ADK: variants seen among roughly 807,000 people sequenced by gnomAD.
ADK encodes N6,N6-dimethyladenosine kinase.
In ADK, 24 loss-of-function variants were observed where a neutral mutation model predicts 44.7. The ratio of observed to expected loss-of-function variants is 0.54; its 90% confidence interval spans 0.39 to 0.76. The LOEUF is 0.76. Among genes scored for constraint, ADK ranks in the 30% least tolerant of loss-of-function variants. The probability of loss-of-function intolerance (pLI) is 0.00; values close to 1 mark genes in which losing one functional copy is unlikely to be tolerated. For synonymous variants in ADK, 128 were observed against 142.6 expected (o/e 0.90, Z 0.73); for missense variants, 321 against 425.1 (o/e 0.76, Z 2.15).
chr10:74,696,665 C>G (rs1856219957), intron 10 of ADK, among the ~76,000 whole-genome samples: 1 of 152,140 alleles, frequency 6.6e-6, no homozygotes, highest in African/African-American at 2.4e-5. Context: ...TCACCATGCC[C>G]AGCCCTCATT....
intron 6 of ADK, among the ~76,000 whole-genome samples, chr10:74,478,222 T>C (rs182297207): frequency 6.6e-4 from 100 of 152,252 alleles, no homozygotes; most frequent in African/African-American, 2.4e-3. Context: ...CTTAGAACTG[T>C]ATTTATTTAT....
intron 1 of ADK, among the ~76,000 whole-genome samples, chr10:74,156,368 C>T (rs1237005984): frequency 6.6e-6 from 1 of 152,128 alleles, no homozygotes; most frequent in Non-Finnish European, 1.5e-5. Context: ...CCTGTAATCC[C>T]AGCACTTTGG....
chr10:74,446,062 A>C (rs1297095411), intron 6 of ADK, among the ~76,000 whole-genome samples: 1 of 152,124 alleles, frequency 6.6e-6, no homozygotes, highest in Non-Finnish European at 1.5e-5. Flanking sequence ...AAAACCCAAT[A>C]AATAAATTGG....
chr10:74,225,129 G>T (rs539032277), intron 3 of ADK, among the ~76,000 whole-genome samples: 1 of 152,294 alleles, frequency 6.6e-6, no homozygotes, highest in East Asian at 1.9e-4. Flanking sequence ...CTGCTGCCCA[G>T]GCTGGAGGCG....
At position 74,285,791 on chromosome 10, in the gene ADK, T is replaced by G. The variant is rs140793193; in HGVS notation, c.195-28876T>G. Among the ~76,000 whole-genome samples the G allele has an allele frequency of 5.3e-5, 8 of 152,290 alleles. No individual in the cohort carries two copies. In the East Asian group the frequency reaches 1.3e-3, roughly 26 times the overall value. Reference sequence around the variant, plus strand: ...GGATTAAAGAGGAGAGAGGTGGAATTGAAGGTTATCTGGTAGGTGCAATCA... The same window carrying G: ...GGATTAAAGAGGAGAGAGGTGGAATGGAAGGTTATCTGGTAGGTGCAATCA... On this transcript the variant is annotated intron_variant, in intron 3 of 10. Coordinates refer to ENST00000539909, the MANE Select transcript of ADK (RefSeq NM_006721.4).
At chr10:74,541,996 T>G (rs1288731808) in intron 7 of ADK, among the ~76,000 whole-genome samples, 1 of 151,966 alleles carries the variant, frequency 6.6e-6, no homozygotes, top group Non-Finnish European at 1.5e-5. Flanking sequence ...ATCCCAGCAC[T>G]CTGGGGAGCC....
At chr10:74,442,388 G>A (rs1453935142) in intron 6 of ADK, among the ~76,000 whole-genome samples, 2 of 152,288 alleles carry the variant, frequency 1.3e-5, no homozygotes, top group East Asian at 1.9e-4. Context: ...GCTCATGCCC[G>A]TAATCCCAGC....
At chr10:74,313,273 A>G (rs1031052186) in intron 3 of ADK, among the ~76,000 whole-genome samples, 2 of 152,090 alleles carry the variant, frequency 1.3e-5, no homozygotes, top group Admixed American at 6.6e-5. Flanking sequence ...TCTTTTTCAA[A>G]GTCATACACC....
intron 4 of ADK, among the ~76,000 whole-genome samples, chr10:74,344,317 T>C (rs1294193448): frequency 3.9e-5 from 6 of 152,354 alleles, no homozygotes; most frequent in Admixed American, 3.9e-4. Flanking sequence ...TGCTGCTGAA[T>C]CTTAAGGCCT....
intron 4 of ADK, among the ~76,000 whole-genome samples, chr10:74,353,075 AG>A (rs1466573971): frequency 6.6e-6 from 1 of 152,266 alleles, no homozygotes; most frequent in Non-Finnish European, 1.5e-5. Flanking sequence ...TATGTACCCA[AG>A]GGATTATAAA....
At chr10:74,259,814 C>T (rs1845975385) in intron 3 of ADK, among the ~76,000 whole-genome samples, 1 of 152,084 alleles carries the variant, frequency 6.6e-6, no homozygotes, top group South Asian at 2.1e-4. Context: ...TTTCATTACT[C>T]ATTCTTTCTA....
At chr10:74,437,595 C>T (rs1014102527) in intron 6 of ADK, among the ~76,000 whole-genome samples, 1 of 152,242 alleles carries the variant, frequency 6.6e-6, no homozygotes, top group African/African-American at 2.4e-5. Flanking sequence ...CAGCAATTAC[C>T]ATTCTATTAC....
intron 7 of ADK, among the ~76,000 whole-genome samples, chr10:74,557,048 G>A (rs1850278648): frequency 6.6e-6 from 1 of 152,196 alleles, no homozygotes; most frequent in African/African-American, 2.4e-5. Context: ...AAATTTCAAT[G>A]TGAGCTTTTG....
chr10:74,389,440 T>C (rs531939188), intron 4 of ADK, among the ~76,000 whole-genome samples: 60 of 152,346 alleles, frequency 3.9e-4, no homozygotes, highest in South Asian at 1.4e-3. Flanking sequence ...CTTACAGATG[T>C]ACTAAAATTT....
At chr10:74,635,539 A>G (rs1219507868) in intron 9 of ADK, among the ~76,000 whole-genome samples, 3 of 152,042 alleles carry the variant, frequency 2.0e-5, no homozygotes, top group African/African-American at 7.2e-5. Context: ...ATAATGAACC[A>G]CTCCATAAAT....
chr10:74,336,745 A>G (rs1205067938), intron 4 of ADK, among the ~76,000 whole-genome samples: 2 of 152,224 alleles, frequency 1.3e-5, no homozygotes, highest in Non-Finnish European at 2.9e-5. Flanking sequence ...AAATGGCATA[A>G]TATTTGCACA....
chr10:74,605,453 C>T (rs926405675), intron 9 of ADK, among the ~76,000 whole-genome samples: 11 of 151,916 alleles, frequency 7.2e-5, no homozygotes, highest in African/African-American at 1.9e-4. Context: ...TTTAGCATGA[C>T]GGAGTGTTGA....
intron 6 of ADK, among the ~76,000 whole-genome samples, chr10:74,405,050 C>CT (rs1287270364): frequency 2.0e-5 from 3 of 152,152 alleles, no homozygotes; most frequent in Non-Finnish European, 4.4e-5. Flanking sequence ...CACTGACACT[C>CT]TTTTTTTATT....
intron 6 of ADK, among the ~76,000 whole-genome samples, chr10:74,412,421 G>A (rs1592173275): frequency 6.6e-6 from 1 of 152,158 alleles, no homozygotes; most frequent in East Asian, 1.9e-4. Flanking sequence ...GATTGCAGGT[G>A]TGAGCCACCA....
Sources: allele counts gnomAD v4.1 joint callset (sites outside exome capture counted in the v4.1 genomes callset), GRCh38; gene constraint gnomAD v4.1.1; transcripts MANE v1.5; gene names NCBI Gene and HGNC (gene_info 2026-07-23, HGNC 2026-07-21).